Variants in IGF2BP3 observed in about 807,000 individuals in gnomAD.
IGF2BP3 encodes insulin like growth factor 2 mRNA binding protein 3.
A neutral mutation model predicts 73.8 loss-of-function variants in IGF2BP3; 9 were observed. The ratio of observed to expected loss-of-function variants is 0.12; its 90% CI spans 0.07 to 0.21. The LOEUF is 0.21. Among genes scored for constraint, IGF2BP3 ranks in the 10% least tolerant of loss-of-function variants. The pLI is 1.00. For missense variants in IGF2BP3, 542 were observed against 714.0 expected, an observed-to-expected ratio of 0.76 and a Z score of 2.75; for synonymous variants, 258 against 256.7, an observed-to-expected ratio of 1.01 and a Z score of -0.05.
intron 3 of IGF2BP3, among the ~76,000 whole-genome samples, chr7:23,379,861 A>G (rs1484782608): frequency 2.0e-5 from 3 of 152,184 alleles, no homozygotes; most frequent in Admixed American, 2.0e-4. Context: ...TACAAAATAT[A>G]CATCCATGCA....
chr7:23,312,629 T>TTGTTTGATG (rs1194940198), intron 14 of IGF2BP3, 106 bp downstream of exon 14: 1 of 938,854 alleles, frequency 1.1e-6, no homozygotes, highest in East Asian at 2.5e-5. Context: ...AGATGAAAAG[T>TTGTTTGATG]CTTAAGCATC....
At chr7:23,455,537 C>A (rs1788295561) in intron 2 of IGF2BP3, among the ~76,000 whole-genome samples, 1 of 152,220 alleles carries the variant, frequency 6.6e-6, no homozygotes, top group Non-Finnish European at 1.5e-5. Flanking sequence ...TTGACAACTT[C>A]TCTTTACTTG....
intron 3 of IGF2BP3, among the ~76,000 whole-genome samples, chr7:23,375,480 A>G (rs1233195079): frequency 1.3e-5 from 2 of 152,218 alleles, no homozygotes; most frequent in African/African-American, 4.8e-5. Context: ...CTAAAACAAA[A>G]TGCAAAGGCT....
At chr7:23,462,360 A>C (rs1182676464) in intron 2 of IGF2BP3, among the ~76,000 whole-genome samples, 1 of 143,960 alleles carries the variant, frequency 6.9e-6, no homozygotes, top group African/African-American at 2.6e-5. Context: ...CTCTAAGAAT[A>C]TTTCTTTTTT....
At chr7:23,345,343 A>G (rs1406015767) in intron 8 of IGF2BP3, among the ~76,000 whole-genome samples, 1 of 152,230 alleles carries the variant, frequency 6.6e-6, no homozygotes, top group Non-Finnish European at 1.5e-5. Context: ...TGTGTAAACA[A>G]CATTAGAAAA....
intron 3 of IGF2BP3, among the ~76,000 whole-genome samples, chr7:23,378,649 C>T (rs1785808075): frequency 7.4e-6 from 1 of 135,928 alleles, no homozygotes; most frequent in South Asian, 2.4e-4. Context: ...TCTTGGCTTA[C>T]TGCCACCTCC....
chr7:23,442,680 G>C (rs1293321979), intron 2 of IGF2BP3, among the ~76,000 whole-genome samples: 1 of 152,106 alleles, frequency 6.6e-6, no homozygotes, highest in East Asian at 1.9e-4. Flanking sequence ...TTACAGGCTT[G>C]AGCTACCGAG....
intron 10 of IGF2BP3, among the ~76,000 whole-genome samples, chr7:23,331,987 A>T (rs1193071813): frequency 6.6e-6 from 1 of 151,416 alleles, no homozygotes; most frequent in African/African-American, 2.4e-5. Flanking sequence ...GGCAGGAGGG[A>T]GAGAGAGAGA....
intron 2 of IGF2BP3, among the ~76,000 whole-genome samples, chr7:23,453,047 T>C (rs1584061353): frequency 6.6e-6 from 1 of 151,098 alleles, no homozygotes; most frequent in Non-Finnish European, 1.5e-5. Flanking sequence ...CAGGCGGAGG[T>C]TGTAGCGAGC....
At chr7:23,468,385 G>A (rs1279586024) in intron 2 of IGF2BP3, 97 bp downstream of exon 2, 21 of 1,231,016 alleles carry the variant, frequency 1.7e-5, no homozygotes, top group African/African-American at 3.0e-5. Context: ...CCACACGGCA[G>A]GGGGTAAGCA....
At chr7:23,393,645 T>A (rs897235247) in intron 3 of IGF2BP3, among the ~76,000 whole-genome samples, 1 of 152,166 alleles carries the variant, frequency 6.6e-6, no homozygotes, top group Non-Finnish European at 1.5e-5. Context: ...TCTTCACACA[T>A]TGGGAGAATT....
Position 23,325,939 on chromosome 7 carries a change from A to C in IGF2BP3, c.1204-6685T>G, listed in dbSNP as rs940448088. Among the ~76,000 whole-genome samples the C allele has an allele frequency of 1.7e-4, 26 of 152,260 alleles. 1 individual carries two copies. The highest frequency in any genetic ancestry group is 9.8e-4 in the Admixed American group (15 of 15,284). ...TACAAAAATCAATTCAAGATGGACTAAAGACTTAAACGTTAGACCTAAAAC... is the reference window on the plus strand; with the variant it reads ...TACAAAAATCAATTCAAGATGGACTCAAGACTTAAACGTTAGACCTAAAAC... On this transcript the variant is annotated intron_variant, in intron 10 of 14. Coordinates refer to ENST00000258729, the MANE Select transcript of IGF2BP3 (RefSeq NM_006547.3).
At chr7:23,328,412 T>C (rs973720397) in intron 10 of IGF2BP3, among the ~76,000 whole-genome samples, 2 of 152,180 alleles carry the variant, frequency 1.3e-5, no homozygotes, top group Non-Finnish European at 1.5e-5. Flanking sequence ...TTCACCATAC[T>C]GGTCAGGCTG....
chr7:23,380,870 C>T (rs113299888), intron 3 of IGF2BP3, among the ~76,000 whole-genome samples: 101 of 152,336 alleles, frequency 6.6e-4, no homozygotes, highest in African/African-American at 2.3e-3. Flanking sequence ...TGCCAGCACC[C>T]GATGGCAGAC....
rs1331029188 is a variant in IGF2BP3, at chr7:23,317,690, A to G, written c.1344T>C (p.Asp448=). 1.8e-5 allele frequency: 29 copies of G among 1,614,012 alleles called. No homozygotes were observed. The highest frequency in any genetic ancestry group is 2.5e-5 in the Non-Finnish European group (29 of 1,179,968). Residue 448 remains aspartate (D), a synonymous_variant, in exon 12 of 15, where the codon GAT becomes GAC. Coordinates refer to ENST00000258729, the MANE Select transcript of IGF2BP3 (RefSeq NM_006547.3). ...SIKIAPAEAP[D]AKVRMVIITG... Reference sequence around the variant, plus strand: ...TGATAATCACCATCCTCACTTTAGCATCTGGTGCTTCCGCTGGAGCAATCT... The same window carrying G: ...TGATAATCACCATCCTCACTTTAGCGTCTGGTGCTTCCGCTGGAGCAATCT...
intron 3 of IGF2BP3, among the ~76,000 whole-genome samples, chr7:23,372,291 C>T (rs562254185): frequency 4.5e-4 from 68 of 152,010 alleles, no homozygotes; most frequent in African/African-American, 9.4e-4. Flanking sequence ...GCCAGGCTGG[C>T]CTCAAACTCC....
chr7:23,400,457 T>A (rs190569289), intron 3 of IGF2BP3, among the ~76,000 whole-genome samples: 3 of 152,268 alleles, frequency 2.0e-5, no homozygotes, highest in African/African-American at 7.2e-5. Flanking sequence ...CATATCTCTG[T>A]GTTGGTGTGG....
chr7:23,355,219 A>AT (rs1562695373), intron 5 of IGF2BP3, among the ~76,000 whole-genome samples: 5 of 124,328 alleles, frequency 4.0e-5, no homozygotes, highest in South Asian at 5.3e-4. Flanking sequence ...TTGTCTTTTT[A>AT]TTTTTATTTT....
intron 2 of IGF2BP3, among the ~76,000 whole-genome samples, chr7:23,445,600 A>G (rs1788040616): frequency 6.6e-6 from 1 of 152,216 alleles, no homozygotes; most frequent in Non-Finnish European, 1.5e-5. Context: ...CGGTATGTAC[A>G]TTATTCATCA....
Sources: gnomAD v4.1 joint callset for allele counts (sites outside exome capture counted in the v4.1 genomes callset) on GRCh38, gnomAD v4.1.1 for gene constraint, MANE v1.5 for transcripts, NCBI Gene and HGNC (gene_info 2026-07-23, HGNC 2026-07-21) for gene names.